ITIH1: variants seen among roughly 807,000 people sequenced by gnomAD.
ITIH1 encodes inter-alpha-trypsin inhibitor heavy chain 1.
Under a neutral mutation model 104.6 loss-of-function variants are expected in ITIH1, and 94 were observed. The ratio of observed to expected loss-of-function variants is 0.90; its 90% CI spans 0.76 to 1.07. The LOEUF (loss-of-function observed/expected upper bound fraction) is 1.07. Among genes scored for constraint, ITIH1 ranks in the 50% least tolerant of loss-of-function variants. The pLI, the probability that ITIH1 is intolerant of heterozygous loss-of-function variation, is 0.00. For missense variants in ITIH1, 1,193 were observed against 1,181.4 expected, an observed-to-expected ratio of 1.01 and a Z score of -0.14; for synonymous variants, 455 against 464.4, an observed-to-expected ratio of 0.98 and a Z score of 0.26.
chr3:52,787,768 TG>T, intron 16 of ITIH1, 156 bp downstream of exon 16: 1 of 975,554 alleles, frequency 1.0e-6, no homozygotes, highest in Admixed American at 1.8e-5. Context: ...CTGAGGTCCC[TG>T]GGGGAGGAGA....
Position 52,786,438 on chromosome 3 carries a change from G to T in ITIH1, c.1733+4G>T. On this transcript the variant is annotated splice_donor_region_variant and intron_variant, in intron 13 of 21. Coordinates refer to ENST00000273283, the MANE Select transcript of ITIH1 (RefSeq NM_002215.4). ...TCCAGGAGCTGCTGGCCAAGCGGTA[G>T]GGCACCTGCAGCTGCCCCAGGTGGG... 1 of 1,574,684 alleles carries T rather than the reference G, an allele frequency of 6.4e-7. No individual in the cohort carries two copies. The highest frequency in any genetic ancestry group is 8.6e-7 in the Non-Finnish European group (1 of 1,159,946).
At position 52,779,480 on chromosome 3, in the gene ITIH1, T is replaced by G; in HGVS notation, c.459T>G (p.Asn153Lys). 6.2e-7 allele frequency: 1 copy of G among 1,614,192 alleles called. No homozygotes were observed. Among genetic ancestry groups the G allele is most frequent in the South Asian group, 1.1e-5 (1 of 91,078 alleles). The part of the protein sequence containing the change: ...MEQFTIHLTV[N>K]PQSKVTFQLT... ...AATTCACCATCCACCTCACCGTCAA[T>G]CCCCAGAGCAAGGTCACGTTTCAGC... The change falls in exon 5 of 22, where the codon AAT (asparagine) becomes AAG (lysine). Residue 153 changes from asparagine (N) to lysine (K), a missense_variant. Transcript: ENST00000273283. The surrounding 1 kb of genome is among the most constrained non-coding windows in gnomAD (Gnocchi z 4.4).
At chr3:52,784,236 C>T in intron 10 of ITIH1, 60 bp from the exon 11 acceptor site, 2 of 1,473,496 alleles carry the variant, frequency 1.4e-6, no homozygotes, top group Non-Finnish European at 1.9e-6. Context: ...CCAGAGCCCC[C>T]TCGTGCCCCA....
chr3:52,788,404 C>T (rs1699260492), intron 18 of ITIH1, 59 bp downstream of exon 18: 1 of 1,114,820 alleles, frequency 9.0e-7, no homozygotes, highest in Non-Finnish European at 1.3e-6. Context: ...CCTCAACATT[C>T]AGCCAGGAAC....
intron 12 of ITIH1, 63 bp from the exon 13 acceptor site, chr3:52,786,232 T>C (rs1243169347): frequency 1.3e-6 from 2 of 1,527,630 alleles, no homozygotes; most frequent in African/African-American, 1.4e-5. Flanking sequence ...TCAGAGCCCC[T>C]AGCACCAGCC....
chr3:52,787,567 G>A (rs773342801), intron 15 of ITIH1, 25 bp from the exon 16 acceptor site: 44 of 1,613,976 alleles, frequency 2.7e-5, no homozygotes, highest in Non-Finnish European at 3.3e-5. Flanking sequence ...CACTGTCTTC[G>A]ATAATATGTC....
At chr3:52,784,828 T>C (rs1253250648) in intron 11 of ITIH1, among the ~76,000 whole-genome samples, 1 of 151,514 alleles carries the variant, frequency 6.6e-6, no homozygotes, top group Non-Finnish European at 1.5e-5. Flanking sequence ...TGAGCTGAGA[T>C]TGTGCCACTG....
intron 12 of ITIH1, among the ~76,000 whole-genome samples, 160 bp from the exon 13 acceptor site, chr3:52,786,135 G>A (rs1699189515): frequency 1.3e-5 from 2 of 152,190 alleles, no homozygotes; most frequent in Non-Finnish European, 2.9e-5. Flanking sequence ...TGCTTGGCAA[G>A]AATCAACGAA....
At position 52,784,330 on chromosome 3, in the gene ITIH1, C is replaced by A. The variant is rs962340408; in HGVS notation, c.1260C>A (p.Val420=). The change falls in exon 11 of 22, where the codon GTC becomes GTA. Residue 420 remains valine, a synonymous_variant. Transcript: ENST00000273283. The part of the protein sequence containing the change: ...VTDRSQILKN[V]RNAIRGRFPL... ...ACCGTTCCCAAATCCTCAAGAACGT[C>A]CGCAACGCCATCCGGGGCAGGTTCC... 1 of 1,614,088 alleles carries A rather than the reference C, an allele frequency of 6.2e-7. No individual in the cohort carries two copies. The highest frequency in any genetic ancestry group is 8.5e-7 in the Non-Finnish European group (1 of 1,179,958).
In ITIH1 at chr3:52,788,280, C is replaced by G; in HGVS notation, c.2054C>G (p.Thr685Ser). 2 of 1,612,302 alleles carry G rather than the reference C, an allele frequency of 1.2e-6. No individual in the cohort carries two copies. The highest frequency in any genetic ancestry group is 1.7e-6 in the Non-Finnish European group (2 of 1,179,322). Reference sequence around the variant, plus strand: ...ATCCACGTGCCCCAGAAAGAGGACACCCTGTGCTTCAACATCAATGAGGAG... The same window carrying G: ...ATCCACGTGCCCCAGAAAGAGGACAGCCTGTGCTTCAACATCAATGAGGAG... The part of the protein sequence containing the change: ...FIIHVPQKED[T>S]LCFNINEEPG... The change falls in exon 18 of 22, where the codon ACC becomes AGC. Residue 685 changes from threonine (T) to serine (S), a missense_variant. By Grantham distance (58) the Thr-to-Ser change is moderately conservative. Transcript: ENST00000273283.
Position 52,778,979 on chromosome 3 carries a change from G to A in ITIH1, c.343G>A (p.Asp115Asn), listed in dbSNP as rs1425251129. The change falls in exon 4 of 22, where the codon GAC (aspartate) becomes AAC (asparagine). Residue 115 changes from aspartate (D) to asparagine (N), a missense_variant. Asp to Asn is a conservative substitution (Grantham distance 23). Transcript: ENST00000273283. ...DGNAFIGDIKDKVTAWKQYRK... is the reference protein window; with the variant it reads ...DGNAFIGDIKNKVTAWKQYRK... ...AAACGCATTTATCGGAGACATAAAGGACAAGGTGACTGCATGGAAGCAGTA... is the reference window on the plus strand; with the variant it reads ...AAACGCATTTATCGGAGACATAAAGAACAAGGTGACTGCATGGAAGCAGTA... 1.9e-6 allele frequency: 3 copies of A among 1,614,100 alleles called. No homozygotes were observed. Among genetic ancestry groups the A allele is most frequent in the African/African-American group, 2.7e-5 (2 of 75,048 alleles).
Position 52,779,327 on chromosome 3 carries a change from A to C in ITIH1, c.411-105A>C. The C allele has an allele frequency of 8.0e-7, 1 of 1,257,100 alleles. No individual in the cohort carries two copies. The highest frequency in any genetic ancestry group is 1.5e-5 in the African/African-American group (1 of 67,812). The allele number at this position is 1,257,100 out of a possible 1,614,324, so 77.9% of individuals were successfully genotyped here. On this transcript the variant is annotated intron_variant, in intron 4 of 21. Coordinates refer to ENST00000273283, the MANE Select transcript of ITIH1 (RefSeq NM_002215.4). This position sits in a 1 kb window ranked among gnomAD's most constrained non-coding sequence, Gnocchi z 4.4. The stretch of plus-strand genomic sequence containing the variant: ...AGGTCCAGGGAAACCTGGGAGCAAC[A>C]CTCATCTAAGAGAAATAAATTCTGT...
At chr3:52,781,212 TTCTTCTTCTTCTTCTTC>T (rs1699036056) in intron 6 of ITIH1, among the ~76,000 whole-genome samples, 6 of 13,892 alleles carry the variant, frequency 4.3e-4, no homozygotes, top group African/African-American at 1.0e-3. Flanking sequence ...TTTTTTTTTC[TTCTTCTTCTTCTTCTTC>T]TTCTTCTTCT....
intron 1 of ITIH1, 95 bp downstream of exon 1, chr3:52,777,827 C>T: frequency 3.7e-6 from 5 of 1,351,676 alleles, no homozygotes; most frequent in Non-Finnish European, 5.2e-6. Flanking sequence ...GCCAGGGTCA[C>T]CCCCACCACC....
At chr3:52,787,652 T>G (rs1699236047) in intron 16 of ITIH1, 40 bp downstream of exon 16, 1 of 1,604,600 alleles carries the variant, frequency 6.2e-7, no homozygotes, top group African/African-American at 1.3e-5. Flanking sequence ...TCTCTACCCC[T>G]CCTTGATGAT....
chr3:52,778,876 G>A (rs1698970645), intron 3 of ITIH1, 66 bp from the exon 4 acceptor site: 3 of 1,235,800 alleles, frequency 2.4e-6, no homozygotes, highest in Middle Eastern at 1.9e-4. Context: ...CACATGGACA[G>A]GCCCTCTCAG....
chr3:52,782,326 C>T, intron 8 of ITIH1, 59 bp downstream of exon 8: 2 of 1,321,114 alleles, frequency 1.5e-6, no homozygotes, highest in Non-Finnish European at 2.2e-6. Context: ...CATCACTCAC[C>T]ACATGCCAGT....
In ITIH1 at chr3:52,787,977, T is replaced by G. The variant is rs71299618; in HGVS notation, c.1925-9T>G. On this transcript the variant is annotated splice_polypyrimidine_tract_variant and intron_variant, in intron 16 of 21. Coordinates refer to ENST00000273283, the MANE Select transcript of ITIH1 (RefSeq NM_002215.4). ...CCCCGCTTCTAAATGCCACTCCCCC[T>G]CCCATCAGCGTTCGTGCTGTCAGCC... 1.1e-5 allele frequency: 7 copies of G among 647,678 alleles called. No individual in the cohort carries two copies. The highest frequency in any genetic ancestry group is 1.6e-5 in the Non-Finnish European group (7 of 444,054). 40.1% of individuals were successfully genotyped at this position (647,678 alleles called of 1,614,324 possible). A position where few individuals can be genotyped will look rare whatever the true frequency, so the allele number is the denominator to read the frequency against.
At chr3:52,777,945 C>T (rs1311300081) in intron 1 of ITIH1, 52 bp from the exon 2 acceptor site, 25 of 1,611,268 alleles carry the variant, frequency 1.6e-5, no homozygotes, top group East Asian at 8.9e-5. Flanking sequence ...ACTGGCAGGC[C>T]GGTGGTCCCC....
Sources: allele counts gnomAD v4.1 joint callset (sites outside exome capture counted in the v4.1 genomes callset), GRCh38; gene constraint gnomAD v4.1.1; non-coding constraint Gnocchi (gnomAD v3.1); transcripts MANE v1.5; gene names NCBI Gene and HGNC (gene_info 2026-07-23, HGNC 2026-07-21).